RAD51B: variants seen among roughly 807,000 people sequenced by gnomAD.
The protein encoded by RAD51B is DNA repair protein RAD51 homolog 2.
In RAD51B, 38 loss-of-function variants were observed where a neutral mutation model predicts 42.2. That is an observed-to-expected ratio of 0.90 (90% confidence interval 0.70 to 1.18). The LOEUF is 1.18. RAD51B is among the 50% of genes most tolerant of loss of function. The pLI is 0.00. For missense variants in RAD51B, 373 were observed against 400.7 expected (o/e 0.93, Z 0.59); for synonymous variants, 154 against 145.2 (o/e 1.06, Z -0.43).
intron 7 of RAD51B, among the ~76,000 whole-genome samples, chr14:67,971,709 G>A (rs937341649): frequency 6.6e-6 from 1 of 152,050 alleles, no homozygotes; most frequent in South Asian, 2.1e-4. Context: ...TGTGTGTTAT[G>A]TGACTACTTA....
intron 5 of RAD51B, among the ~76,000 whole-genome samples, chr14:67,875,510 A>T (rs567082395): frequency 6.6e-5 from 10 of 152,316 alleles, no homozygotes; most frequent in African/African-American, 2.4e-4. Flanking sequence ...TCTGTATCTT[A>T]TTAAAGTTTA....
At chr14:68,578,344 G>A (rs1002202853) in intron 10 of RAD51B, among the ~76,000 whole-genome samples, 2 of 152,184 alleles carry the variant, frequency 1.3e-5, no homozygotes, top group Non-Finnish European at 2.9e-5. Context: ...CCGGGAGGTG[G>A]AGGTTGTAGT....
At chr14:68,057,819 C>CTT (rs1271719568) in intron 7 of RAD51B, among the ~76,000 whole-genome samples, 1 of 80,298 alleles carries the variant, frequency 1.2e-5, no homozygotes, top group African/African-American at 5.9e-5. Flanking sequence ...CCTTTTAGTT[C>CTT]TTTGTGTGTG....
chr14:68,318,020 T>C (rs954690650), intron 8 of RAD51B, among the ~76,000 whole-genome samples: 24 of 152,348 alleles, frequency 1.6e-4, no homozygotes, highest in African/African-American at 5.5e-4. Flanking sequence ...TTAATTTCAC[T>C]CTGTCTGTTA....
intron 10 of RAD51B, among the ~76,000 whole-genome samples, chr14:68,636,328 A>T (rs1393913552): frequency 3.9e-5 from 6 of 152,192 alleles, no homozygotes; most frequent in Non-Finnish European, 7.3e-5. Flanking sequence ...CACACGTGTC[A>T]TCTCAACACA....
At position 68,051,413 on chromosome 14, in the gene RAD51B, AT is replaced by A. The variant is rs573009669; in HGVS notation, c.756+164214del. On this transcript the variant is annotated intron_variant, in intron 7 of 10. Coordinates refer to ENST00000471583, the MANE Select transcript of RAD51B (RefSeq NM_133510.4). ...TTGTTTGTTTGTTTTCAACATATAT[AT>A]TTTTGCTATATAAATATGCTGTAGG... Among the ~76,000 whole-genome samples, 365 of 152,086 alleles carry A rather than the reference AT, an allele frequency of 2.4e-3. 1 individual carries two copies. Among genetic ancestry groups the A allele is most frequent in the African/African-American group, 8.2e-3 (339 of 41,506 alleles).
At chr14:68,054,917 T>C (rs960824444) in intron 7 of RAD51B, among the ~76,000 whole-genome samples, 2 of 152,122 alleles carry the variant, frequency 1.3e-5, no homozygotes, top group African/African-American at 2.4e-5. Flanking sequence ...AGAATTAAAC[T>C]GAAGTAGTGG....
chr14:68,077,319 C>A (rs2076849518), intron 7 of RAD51B, among the ~76,000 whole-genome samples: 1 of 152,036 alleles, frequency 6.6e-6, no homozygotes, highest in Admixed American at 6.5e-5. Context: ...TGGATGATTG[C>A]CAGAATGTAG....
intron 7 of RAD51B, among the ~76,000 whole-genome samples, chr14:67,962,772 A>G (rs1024025481): frequency 6.6e-6 from 1 of 152,194 alleles, no homozygotes; most frequent in African/African-American, 2.4e-5. Context: ...CTTCATATAT[A>G]TATGTAAGAT....
At chr14:68,456,484 C>CA (rs898785939) in intron 9 of RAD51B, among the ~76,000 whole-genome samples, 2 of 151,552 alleles carry the variant, frequency 1.3e-5, no homozygotes, top group Admixed American at 6.6e-5. Flanking sequence ...TTACTGGAAA[C>CA]AAAAAAAGAG....
At chr14:68,333,407 G>T (rs2082386684) in intron 8 of RAD51B, among the ~76,000 whole-genome samples, 1 of 152,186 alleles carries the variant, frequency 6.6e-6, no homozygotes, top group African/African-American at 2.4e-5. Context: ...ATGTTGGTGA[G>T]CATATAAGAA....
intron 11 of RAD51B, among the ~76,000 whole-genome samples, chr14:68,680,000 A>G (rs1317609560): frequency 6.6e-6 from 1 of 151,996 alleles, no homozygotes; most frequent in Non-Finnish European, 1.5e-5. Context: ...AACAACAAAG[A>G]CGCATTTTGG....
At chr14:68,383,199 A>G (rs758689964) in intron 8 of RAD51B, among the ~76,000 whole-genome samples, 1 of 152,240 alleles carries the variant, frequency 6.6e-6, no homozygotes, top group Non-Finnish European at 1.5e-5. Flanking sequence ...CTATTTATAT[A>G]ACTTTTAAAA....
intron 7 of RAD51B, among the ~76,000 whole-genome samples, chr14:68,291,099 T>C (rs1039501393): frequency 6.6e-6 from 1 of 152,022 alleles, no homozygotes; most frequent in Non-Finnish European, 1.5e-5. Flanking sequence ...TGAGCCACTG[T>C]GCCTGTCCCC....
At chr14:68,388,533 A>C (rs4048738) in intron 8 of RAD51B, among the ~76,000 whole-genome samples, 1 of 152,232 alleles carries the variant, frequency 6.6e-6, no homozygotes, top group African/African-American at 2.4e-5. Flanking sequence ...TCAAGTATAT[A>C]TCATTCTATT....
At chr14:68,587,739 G>A (rs1469306794) in intron 10 of RAD51B, among the ~76,000 whole-genome samples, 2 of 152,204 alleles carry the variant, frequency 1.3e-5, no homozygotes, top group Admixed American at 6.5e-5. Context: ...CAAGGCTGAT[G>A]TTGGGTTTTT....
At chr14:68,556,090 A>G (rs915908909) in intron 10 of RAD51B, among the ~76,000 whole-genome samples, 6 of 152,232 alleles carry the variant, frequency 3.9e-5, no homozygotes, top group South Asian at 4.1e-4. Flanking sequence ...TCTTCTTAAG[A>G]ATACTTTTTA....
chr14:68,374,299 T>A (rs543561443), intron 8 of RAD51B, among the ~76,000 whole-genome samples: 2 of 152,330 alleles, frequency 1.3e-5, no homozygotes, highest in Admixed American at 1.3e-4. Flanking sequence ...GCAAATGTGC[T>A]GTAAGCTGAA....
Position 68,527,553 on chromosome 14 carries a change from T to C in RAD51B, c.1036+59303T>C, listed in dbSNP as rs78012135. On this transcript the variant is annotated intron_variant, in intron 10 of 10. Transcript: ENST00000487270. ...ATTGTAGGAGAAAGAGAATATGCTG[T>C]GCAGACACACCCAGATTTGTGTTTT... Among the ~76,000 whole-genome samples, 460 of 152,376 alleles carry C rather than the reference T, an allele frequency of 3.0e-3. 22 individuals are homozygous for C. In the East Asian group the frequency reaches 0.077, roughly 25 times the overall value.
Sources: allele counts gnomAD v4.1 joint callset (sites outside exome capture counted in the v4.1 genomes callset), GRCh38; gene constraint gnomAD v4.1.1; transcripts MANE v1.5; gene names NCBI Gene and HGNC (gene_info 2026-07-23, HGNC 2026-07-21).